TP53TG5: variants seen among roughly 807,000 people sequenced by gnomAD.
TP53TG5 encodes the protein TP53-target gene 5 protein.
A neutral mutation model predicts 30.0 loss-of-function variants in TP53TG5; 17 were observed. The ratio of observed to expected loss-of-function variants is 0.57; its 90% CI spans 0.39 to 0.85. The LOEUF (loss-of-function observed/expected upper bound fraction) is 0.85. Ranked by LOEUF, TP53TG5 falls within the 40% of genes least tolerant of loss-of-function variation. TP53TG5 has a pLI of 0.00. For synonymous variants in TP53TG5, 137 were observed against 139.2 expected, an observed-to-expected ratio of 0.98 and a Z score of 0.11; for missense variants, 338 against 367.9, an observed-to-expected ratio of 0.92 and a Z score of 0.67.
rs147626011 is a variant in TP53TG5 at position 45,375,489 on chromosome 20, G to A, written c.318C>T (p.Ser106=). Residue 106 remains serine, a synonymous_variant, in exon 4 of 5, where the codon TCC becomes TCT. Transcript: ENST00000372726. ...NNEEFQEIGC[S]EKELKSKKLE... is the part of the protein sequence containing the mutation. Reference sequence around the variant, plus strand: ...ATTTCTTGGACTTGAGTTCCTTCTCGGAGCACCCGATCTCCTGGAACTCTT... The same window carrying A: ...ATTTCTTGGACTTGAGTTCCTTCTCAGAGCACCCGATCTCCTGGAACTCTT... 2,606 of 1,611,430 alleles carry A rather than the reference G, an allele frequency of 1.6e-3. 5 individuals are homozygous for A. The highest frequency in any genetic ancestry group is 2.3e-3 in the African/African-American group (170 of 74,730).
At position 45,375,300 on chromosome 20, in the gene TP53TG5, G is replaced by T. The variant is rs778788791; in HGVS notation, c.507C>A (p.Asn169Lys). 1 of 1,614,166 alleles carries T rather than the reference G, an allele frequency of 6.2e-7. No individual in the cohort carries two copies. The highest frequency in any genetic ancestry group is 2.2e-5 in the East Asian group (1 of 44,872). Residue 169 changes from asparagine (N) to lysine (K), a missense_variant, in exon 4 of 5, where the codon AAC becomes AAA. Coordinates refer to ENST00000372726, the MANE Select transcript of TP53TG5 (RefSeq NM_014477.3). ...VPRTSRDDSLNPGVQGRQPLT... is the reference protein window; with the variant it reads ...VPRTSRDDSLKPGVQGRQPLT... The stretch of plus-strand genomic sequence containing the variant: ...GTGGTTGCCTCCCCTGGACTCCAGG[G>T]TTCAAGCTATCATCCCTCGATGTCC...
chr20:45,373,559 T>C lies in TP53TG5; in HGVS notation c.*348A>G. The C allele has an allele frequency of 3.0e-6, 1 of 336,860 alleles. No homozygotes were observed. The highest frequency in any genetic ancestry group is 5.6e-6 in the Non-Finnish European group (1 of 177,716). 20.9% of individuals were successfully genotyped at this position (336,860 alleles called of 1,614,324 possible). A position where few individuals can be genotyped will look rare whatever the true frequency, so the allele number is the denominator to read the frequency against. ...AACCAGGAGCCCTTGCTCCTGCCAC[T>C]TTCTAGCTGAGTGAGCCTGGGCAAG... On this transcript the variant is annotated 3_prime_UTR_variant, in exon 5 of 5. Coordinates refer to ENST00000372726, the MANE Select transcript of TP53TG5 (RefSeq NM_014477.3).
Position 45,373,731 on chromosome 20 carries a change from T to C in TP53TG5, c.*176A>G, listed in dbSNP as rs1214937344. 1 of 610,974 alleles carries C rather than the reference T, an allele frequency of 1.6e-6. No individual in the cohort carries two copies. Among genetic ancestry groups the C allele is most frequent in the Non-Finnish European group, 2.9e-6 (1 of 349,442 alleles). The allele number at this position is 610,974 out of a possible 1,614,324, so 37.8% of individuals were successfully genotyped here. A position where few individuals can be genotyped will look rare whatever the true frequency, so the allele number is the denominator to read the frequency against. On this transcript the variant is annotated 3_prime_UTR_variant, in exon 5 of 5. Transcript: ENST00000372726. ...GCTCGCGGAGGTGGGGGAGGGGTGC[T>C]GCTCGCTGGCTTCTTTGGTTCTAGA...
At chr20:45,375,702 G>C in intron 3 of TP53TG5, 150 bp from the exon 4 acceptor site, 1 of 893,080 alleles carries the variant, frequency 1.1e-6, no homozygotes, top group South Asian at 1.7e-5. Flanking sequence ...CCTTGTGCTG[G>C]TGTGAGGAGG....
intron 2 of TP53TG5, 81 bp from the exon 3 acceptor site, chr20:45,377,423 C>A: frequency 6.2e-7 from 1 of 1,609,622 alleles, no homozygotes; most frequent in Non-Finnish European, 8.5e-7. Flanking sequence ...CCTCTGGCTC[C>A]GCTCAGCCAA....
rs747784166 is a variant in TP53TG5 at position 45,377,295 on chromosome 20, G to T, written c.171C>A (p.Arg57=). The stretch of plus-strand genomic sequence containing the variant: ...CCAGCTTATGCAGTTCTTGGATCCG[G>T]CGGTTTGAGCTCTTGAGTAGCTTCA... ...SLLKLLKSSN[R]RIQELHKLAK... The change falls in exon 3 of 5, where the codon CGC becomes CGA. Residue 57 remains arginine, a synonymous_variant. Transcript: ENST00000372726. 2 of 1,614,158 alleles carry T rather than the reference G, an allele frequency of 1.2e-6. No individual in the cohort carries two copies. The highest frequency in any genetic ancestry group is 1.1e-5 in the South Asian group (1 of 91,080).
chr20:45,376,981 A>G (rs1988753013), intron 3 of TP53TG5, among the ~76,000 whole-genome samples: 1 of 152,202 alleles, frequency 6.6e-6, no homozygotes, highest in South Asian at 2.1e-4. Flanking sequence ...CTAATATCAG[A>G]CAGGAATGGC....
chr20:45,373,694 C>T lies in TP53TG5; in HGVS notation c.*213G>A. On this transcript the variant is annotated 3_prime_UTR_variant, in exon 5 of 5. Coordinates refer to ENST00000372726, the MANE Select transcript of TP53TG5 (RefSeq NM_014477.3). ...CGCCCTGACTTCACAGAGCGCGCCA[C>T]TCAGGAGACTAGCTCGCGGAGGTGG... 1.7e-6 allele frequency: 1 copy of T among 590,110 alleles called. No homozygotes were observed. The highest frequency in any genetic ancestry group is 3.0e-6 in the Non-Finnish European group (1 of 330,592). The allele number at this position is 590,110 out of a possible 1,614,324, so 36.6% of individuals were successfully genotyped here.
rs570020108 is a variant in TP53TG5 at position 45,375,158 on chromosome 20, G to A, written c.649C>T (p.Arg217Ter). ...ACCCTGGGCGCCGGGAGGTGGATTC[G>A]TGTGGGCAGCCCCTCAAACCAGATC... ...QWIWFEGLPT[R>*]IHLPAPRVMC... The change falls in exon 4 of 5, where the codon CGA becomes TGA. Residue 217 changes from arginine (R) to a stop codon, truncating the protein, a stop_gained. Coordinates refer to ENST00000372726, the MANE Select transcript of TP53TG5 (RefSeq NM_014477.3). LOFTEE classifies it high-confidence loss of function. 37 of 1,614,182 alleles carry A rather than the reference G, an allele frequency of 2.3e-5. No individual in the cohort carries two copies. The highest frequency in any genetic ancestry group is 3.0e-5 in the Non-Finnish European group (35 of 1,180,038).
At position 45,375,141 on chromosome 20, in the gene TP53TG5, C is replaced by T. The variant is rs2231624; in HGVS notation, c.666G>A (p.Ala222=). 342 of 1,614,126 alleles carry T rather than the reference C, an allele frequency of 2.1e-4. 2 individuals carry two copies. In the African/African-American group the frequency reaches 3.8e-3, roughly 18 times the overall value. The change falls in exon 4 of 5, where the codon GCG becomes GCA. Residue 222 remains alanine, a synonymous_variant. Coordinates refer to ENST00000372726, the MANE Select transcript of TP53TG5 (RefSeq NM_014477.3). ...EGLPTRIHLP[A]PRVMCRSSTL... ...TGGAGGATCTGCACATCACCCTGGGCGCCGGGAGGTGGATTCGTGTGGGCA... is the reference window on the plus strand; with the variant it reads ...TGGAGGATCTGCACATCACCCTGGGTGCCGGGAGGTGGATTCGTGTGGGCA...
chr20:45,374,522 T>C (rs1988662079), intron 4 of TP53TG5: 1 of 530,092 alleles, frequency 1.9e-6, no homozygotes, highest in Admixed American at 3.6e-5. Context: ...TCTTCCTGCC[T>C]CGACCTCCCA....
At chr20:45,374,089 A>G in intron 4 of TP53TG5, 78 bp from the exon 5 acceptor site, 1 of 1,363,816 alleles carries the variant, frequency 7.3e-7, no homozygotes, top group Admixed American at 1.7e-5. Context: ...GGGCGCAGGG[A>G]CAAGGGTGCT....
At position 45,373,675 on chromosome 20, in the gene TP53TG5, G is replaced by A; in HGVS notation, c.*232C>T. On this transcript the variant is annotated 3_prime_UTR_variant, in exon 5 of 5. Coordinates refer to ENST00000372726, the MANE Select transcript of TP53TG5 (RefSeq NM_014477.3). ...CACCCAGGAAGCACACGAGCGCCCT[G>A]ACTTCACAGAGCGCGCCACTCAGGA... The A allele has an allele frequency of 1.8e-6, 1 of 567,070 alleles. No individual in the cohort carries two copies. The highest frequency in any genetic ancestry group is 2.2e-5 in the South Asian group (1 of 45,518). The allele number at this position is 567,070 out of a possible 1,614,324, so 35.1% of individuals were successfully genotyped here.
rs1242955955 is a variant in TP53TG5, at chr20:45,375,440, T to A, written c.367A>T (p.Lys123Ter). 2 of 1,614,186 alleles carry A rather than the reference T, an allele frequency of 1.2e-6. No homozygotes were observed. Among genetic ancestry groups the A allele is most frequent in the Non-Finnish European group, 8.5e-7 (1 of 1,180,036 alleles). The change falls in exon 4 of 5, where the codon AAA (lysine) becomes TAA (stop). Residue 123 changes from lysine (K) to a stop codon, truncating the protein, a stop_gained. Transcript: ENST00000372726. LOFTEE classifies it high-confidence loss of function. ...KKLESTGDPK[K>*]KEYKEWKSQV... ...GACTTCCACTCCTTGTACTCTTTTT[T>A]CTTAGGGTCCCCTGTGGACTCTAAT...
intron 4 of TP53TG5, 40 bp from the exon 5 acceptor site, chr20:45,374,051 C>A: frequency 6.3e-7 from 1 of 1,599,306 alleles, no homozygotes; most frequent in Non-Finnish European, 8.6e-7. Context: ...TAAGACTGTC[C>A]CCAGGGGGCG....
chr20:45,373,788 G>A lies in TP53TG5; in HGVS notation c.*119C>T. 1 of 949,300 alleles carries A rather than the reference G, an allele frequency of 1.1e-6. No homozygotes were observed. 58.8% of individuals were successfully genotyped at this position (949,300 alleles called of 1,614,324 possible). ...TTAGGGGCCTCGGGGTGGGGGTGGG[G>A]GAAGCCTGAAGTCGCGACACAGGCT... is the stretch of plus-strand genomic sequence containing the variant. On this transcript the variant is annotated 3_prime_UTR_variant, in exon 5 of 5. Transcript: ENST00000372726.
chr20:45,377,226 G>A lies in TP53TG5; in HGVS notation c.240C>T (p.Leu80=), dbSNP rs377199362. 57 of 1,613,780 alleles carry A rather than the reference G, an allele frequency of 3.5e-5. No homozygotes were observed. The highest frequency in any genetic ancestry group is 4.8e-5 in the Non-Finnish European group (57 of 1,180,062). The stretch of plus-strand genomic sequence containing the variant: ...CCCCAGCTTACCCAGAGGAGATGCG[G>A]AGAATCTTTGGAACACTGAGCAGTG... ...WHSLLSVPKI[L]RISSGENSAC... is the part of the protein sequence containing the mutation. Residue 80 remains leucine, a synonymous_variant, in exon 3 of 5, where the codon CTC becomes CTT. Transcript: ENST00000372726.
chr20:45,373,893 C>T lies in TP53TG5; in HGVS notation c.*14G>A. 1 of 1,610,436 alleles carries T rather than the reference C, an allele frequency of 6.2e-7. No individual in the cohort carries two copies. The highest frequency in any genetic ancestry group is 1.3e-5 in the African/African-American group (1 of 74,914). ...GAGTAAGCAGTATTCGTCTTAGGTG[C>T]CATATGGAAGATCTTATTTGTAGAC... On this transcript the variant is annotated 3_prime_UTR_variant, in exon 5 of 5. Coordinates refer to ENST00000372726, the MANE Select transcript of TP53TG5 (RefSeq NM_014477.3).
chr20:45,374,433 G>T, intron 4 of TP53TG5: 1 of 569,750 alleles, frequency 1.8e-6, no homozygotes, highest in South Asian at 2.4e-5. Context: ...CACCACATCT[G>T]GCTAATTTTT....
Sources: allele counts gnomAD v4.1 joint callset (sites outside exome capture counted in the v4.1 genomes callset), GRCh38; gene constraint gnomAD v4.1.1; transcripts MANE v1.5; gene names NCBI Gene and HGNC (gene_info 2026-07-23, HGNC 2026-07-21).